The following KIAA0319L variants were observed in gnomAD, a reference collection of about 807,000 sequenced individuals.
KIAA0319L encodes the protein dyslexia-associated protein KIAA0319-like protein.
Under a neutral mutation model 120.1 loss-of-function variants are expected in KIAA0319L, and 55 were observed. That is an observed-to-expected ratio of 0.46 (90% CI 0.37 to 0.57). KIAA0319L has a LOEUF of 0.57. Among genes scored for constraint, KIAA0319L ranks in the 20% least tolerant of loss-of-function variants. The pLI is 0.00. For missense variants in KIAA0319L, 1,049 were observed against 1,255.3 expected (o/e 0.84, Z 2.48); for synonymous variants, 398 against 471.9 (o/e 0.84, Z 2.03).
rs535932941 is a variant in KIAA0319L, at chr1:35,437,537, G to A, written c.2963-2456C>T. ...TTCAGGGCCTTCATCTCCTCACTGC[G>A]CTTTCTAAATCACCTGCGCTTTCAC... is the stretch of plus-strand genomic sequence containing the variant. On this transcript the variant is annotated intron_variant, in intron 20 of 20. Transcript: ENST00000325722. The surrounding 1 kb of genome is among the most constrained non-coding windows in gnomAD (Gnocchi z 4.1). Among the ~76,000 whole-genome samples the A allele has an allele frequency of 3.3e-4, 50 of 152,240 alleles. No individual in the cohort carries two copies. Among genetic ancestry groups the A allele is most frequent in the African/African-American group, 1.1e-3 (44 of 41,544 alleles).
At chr1:35,457,973 T>C (rs1434830017) in intron 9 of KIAA0319L, among the ~76,000 whole-genome samples, 1 of 152,238 alleles carries the variant, frequency 6.6e-6, no homozygotes, top group East Asian at 1.9e-4. Flanking sequence ...TCTCGCTCTG[T>C]CGCCCAGGCT....
chr1:35,548,639 T>C (rs909574414), intron 2 of KIAA0319L, among the ~76,000 whole-genome samples: 2 of 152,180 alleles, frequency 1.3e-5, no homozygotes, highest in African/African-American at 4.8e-5. Flanking sequence ...CAGGGGTACA[T>C]TCTCAATTTT....
At chr1:35,474,069 T>A (rs1360979736) in intron 5 of KIAA0319L, among the ~76,000 whole-genome samples, 1 of 152,234 alleles carries the variant, frequency 6.6e-6, no homozygotes, top group Non-Finnish European at 1.5e-5. Context: ...ATTTTGTATA[T>A]CACATTAGGC....
At chr1:35,444,993 A>T (rs1352214876) in intron 16 of KIAA0319L, among the ~76,000 whole-genome samples, 1 of 152,204 alleles carries the variant, frequency 6.6e-6, no homozygotes, top group African/African-American at 2.4e-5. Context: ...CTTAATTTTT[A>T]GTAGCCTGCC....
intron 3 of KIAA0319L, among the ~76,000 whole-genome samples, chr1:35,504,443 G>A (rs140589947): frequency 1.3e-5 from 2 of 152,110 alleles, no homozygotes; most frequent in Non-Finnish European, 1.5e-5. Flanking sequence ...TGATCCGCCC[G>A]CCTTGGCCTC....
intron 2 of KIAA0319L, among the ~76,000 whole-genome samples, chr1:35,534,528 C>A (rs1232798584): frequency 6.6e-6 from 1 of 152,076 alleles, no homozygotes; most frequent in Non-Finnish European, 1.5e-5. Context: ...CACTAAAAAG[C>A]CTCAAAGATA....
chr1:35,443,108 C>T, intron 17 of KIAA0319L, 80 bp from the exon 18 acceptor site: 1 of 1,535,206 alleles, frequency 6.5e-7, no homozygotes, highest in Non-Finnish European at 9.0e-7. Flanking sequence ...CATGAGGGCA[C>T]CAAAGCACCC....
chr1:35,554,644 T>C (rs2148524037), intron 1 of KIAA0319L, 125 bp from the exon 2 acceptor site: 2 of 576,278 alleles, frequency 3.5e-6, no homozygotes, highest in Middle Eastern at 3.1e-4. Context: ...CTTTAACGGC[T>C]CAACCCTGCC....
chr1:35,491,083 G>A lies in KIAA0319L; in HGVS notation c.667-11871C>T, dbSNP rs1644574735. Among the ~76,000 whole-genome samples, 3 of 152,250 alleles carry A rather than the reference G, an allele frequency of 2.0e-5. No individual in the cohort carries two copies. The South Asian group carries it at 6.2e-4, about 32-fold the overall frequency. ...CACATAGTTCTTTATAGCAATGTGA[G>A]AACAGACTAATGCAATACTGTAGGA... On this transcript the variant is annotated intron_variant, in intron 3 of 20. Coordinates refer to ENST00000325722, the MANE Select transcript of KIAA0319L (RefSeq NM_024874.5).
intron 2 of KIAA0319L, among the ~76,000 whole-genome samples, chr1:35,542,826 T>C (rs1646842170): frequency 6.6e-6 from 1 of 152,258 alleles, no homozygotes; most frequent in Admixed American, 6.5e-5. Context: ...GCAATTGTTG[T>C]TTGTTTTTAT....
rs1643282016 is a variant in KIAA0319L, at chr1:35,466,633, G to A, written c.1176C>T (p.Gly392=). ...IVEGQNAHGE[G]YVNVTVKPEP... Reference sequence around the variant, plus strand: ...CTGGCTTGACTGTCACGTTCACATAGCCTTCCCCATGGGCATTTTGACCCT... The same window carrying A: ...CTGGCTTGACTGTCACGTTCACATAACCTTCCCCATGGGCATTTTGACCCT... Residue 392 remains glycine, a synonymous_variant, in exon 7 of 21, where the codon GGC becomes GGT. Coordinates refer to ENST00000325722, the MANE Select transcript of KIAA0319L (RefSeq NM_024874.5). 6.2e-7 allele frequency: 1 copy of A among 1,613,366 alleles called. No individual in the cohort carries two copies. Among genetic ancestry groups the A allele is most frequent in the Non-Finnish European group, 8.5e-7 (1 of 1,179,548 alleles).
intron 17 of KIAA0319L, 98 bp downstream of exon 17, chr1:35,444,063 C>G: frequency 2.0e-6 from 2 of 990,596 alleles, no homozygotes; most frequent in Middle Eastern, 3.4e-4. Flanking sequence ...CTCCATCTTC[C>G]CAGAGAAAAG....
intron 20 of KIAA0319L, chr1:35,439,052 CT>C (rs1353920004): frequency 6.6e-6 from 1 of 152,240 alleles, no homozygotes; most frequent in Non-Finnish European, 1.5e-5. Flanking sequence ...CATTCATCCC[CT>C]TAAAAAGCTA....
chr1:35,521,547 T>G (rs940474449), intron 2 of KIAA0319L, among the ~76,000 whole-genome samples: 1 of 151,440 alleles, frequency 6.6e-6, no homozygotes, highest in Non-Finnish European at 1.5e-5. Flanking sequence ...GGAGGGAGAA[T>G]GGCGTGAACC....
chr1:35,445,431 T>A (rs1641549170), intron 16 of KIAA0319L, among the ~76,000 whole-genome samples: 2 of 152,188 alleles, frequency 1.3e-5, no homozygotes, highest in Non-Finnish European at 2.9e-5. Flanking sequence ...AACCCTCAGA[T>A]CTTTATCTCC....
At chr1:35,556,464 T>C (rs1175563334) in intron 1 of KIAA0319L, 3 of 152,266 alleles carry the variant, frequency 2.0e-5, no homozygotes, top group African/African-American at 4.8e-5. Flanking sequence ...CAGAACAGAC[T>C]GCCATGAATA....
chr1:35,454,348 A>G lies in KIAA0319L; in HGVS notation c.1780+14T>C, dbSNP rs765082830. 1.3e-5 allele frequency: 21 copies of G among 1,613,338 alleles called. No homozygotes were observed. Among genetic ancestry groups the G allele is most frequent in the Non-Finnish European group, 1.7e-5 (20 of 1,179,648 alleles). ...CACCAATAGAAGAGCCTGAACCACA[A>G]GGCTGGAGCTTACCAGGTTGCACAA... On this transcript the variant is annotated intron_variant, in intron 11 of 20. Transcript: ENST00000325722.
chr1:35,498,265 G>A (rs756629350), intron 3 of KIAA0319L, among the ~76,000 whole-genome samples: 1 of 151,914 alleles, frequency 6.6e-6, no homozygotes, highest in Admixed American at 6.6e-5. Flanking sequence ...CCCAGGAGGC[G>A]GAGGTTGAAG....
At chr1:35,451,396 G>C (rs1642052557) in intron 13 of KIAA0319L, among the ~76,000 whole-genome samples, 1 of 152,160 alleles carries the variant, frequency 6.6e-6, no homozygotes, top group African/African-American at 2.4e-5. Context: ...AAGAAAGTAA[G>C]GGGATGAGAG....
Sources: allele counts gnomAD v4.1 joint callset (sites outside exome capture counted in the v4.1 genomes callset), GRCh38; gene constraint gnomAD v4.1.1; non-coding constraint Gnocchi (gnomAD v3.1); transcripts MANE v1.5; gene names NCBI Gene and HGNC (gene_info 2026-07-23, HGNC 2026-07-21).